Variants in POLR1A observed in about 807,000 individuals in gnomAD.
POLR1A encodes the protein DNA-directed RNA polymerase I subunit RPA1.
Under a neutral mutation model 205.3 loss-of-function variants are expected in POLR1A, and 84 were observed. That is an observed-to-expected ratio of 0.41 (90% CI 0.34 to 0.49). POLR1A has a LOEUF of 0.49. Among genes scored for constraint, POLR1A ranks in the 20% least tolerant of loss-of-function variants. The pLI is 0.22. For missense variants in POLR1A, 1,645 were observed against 2,204.5 expected (o/e 0.75, Z 5.08); for synonymous variants, 799 against 863.7 (o/e 0.93, Z 1.31).
intron 33 of POLR1A, 70 bp from the exon 34 acceptor site, chr2:86,027,593 G>A (rs546607850): frequency 7.4e-7 from 1 of 1,343,752 alleles, no homozygotes; most frequent in Non-Finnish European, 1.1e-6. Flanking sequence ...GGTGATTATG[G>A]GGCTGAACAC....
At chr2:86,084,724 C>T (rs1277618331) in intron 6 of POLR1A, among the ~76,000 whole-genome samples, 21 of 142,704 alleles carry the variant, frequency 1.5e-4, no homozygotes, top group South Asian at 2.2e-4. Context: ...TGGAGTGCAG[C>T]GGCACGATCT....
chr2:86,068,778 G>A (rs2104411689), intron 13 of POLR1A, among the ~76,000 whole-genome samples: 1 of 152,354 alleles, frequency 6.6e-6, no homozygotes. Flanking sequence ...CGGGACCCTT[G>A]TGAAGCCACA....
chr2:86,040,608 G>A (rs376037882), intron 24 of POLR1A, 49 bp from the exon 25 acceptor site: 10 of 1,393,808 alleles, frequency 7.2e-6, no homozygotes, highest in African/African-American at 1.4e-5. Flanking sequence ...CAGGGGTCAG[G>A]AGCAGACACC....
chr2:86,070,307 A>T lies in POLR1A; in HGVS notation c.1612-35T>A. The T allele has an allele frequency of 6.4e-7, 1 of 1,567,542 alleles. No individual in the cohort carries two copies. The highest frequency in any genetic ancestry group is 1.2e-5 in the South Asian group (1 of 84,014). ...GAGTGGACAGGTGGGTGATCAGTGC[A>T]AACGTCAGTATCACCACGGCTCTTT... On this transcript the variant is annotated intron_variant, in intron 12 of 33. Coordinates refer to ENST00000263857, the MANE Select transcript of POLR1A (RefSeq NM_015425.6). This position sits in a 1 kb window ranked among gnomAD's most constrained non-coding sequence, Gnocchi z 4.4.
At chr2:86,091,585 A>G (rs1405364631) in intron 3 of POLR1A, among the ~76,000 whole-genome samples, 1 of 152,226 alleles carries the variant, frequency 6.6e-6, no homozygotes, top group Non-Finnish European at 1.5e-5. Flanking sequence ...CATATAATTA[A>G]TGCATTTCTG....
At chr2:86,059,596 C>T (rs955571569) in intron 14 of POLR1A, among the ~76,000 whole-genome samples, 7 of 152,094 alleles carry the variant, frequency 4.6e-5, no homozygotes, top group African/African-American at 1.7e-4. Flanking sequence ...AACAGAGTCT[C>T]GTTCTGTCGC....
chr2:86,027,253 G>C lies in POLR1A; in HGVS notation c.*170C>G, dbSNP rs1672277295. ...CTCTGTCACTTTCCAGGTGAAGCTG[G>C]CCCAGCTCAGAGGCCCACTGCTTTC... On this transcript the variant is annotated 3_prime_UTR_variant, in exon 34 of 34. Coordinates refer to ENST00000263857, the MANE Select transcript of POLR1A (RefSeq NM_015425.6). 5 of 621,730 alleles carry C rather than the reference G, an allele frequency of 8.0e-6. No individual in the cohort carries two copies. Among genetic ancestry groups the C allele is most frequent in the Non-Finnish European group, 8.7e-6 (3 of 346,462 alleles). 38.5% of individuals were successfully genotyped at this position (621,730 alleles called of 1,614,324 possible).
intron 12 of POLR1A, among the ~76,000 whole-genome samples, chr2:86,073,381 G>A (rs1403169390): frequency 6.6e-6 from 1 of 152,106 alleles, no homozygotes; most frequent in African/African-American, 2.4e-5. Flanking sequence ...CTACAGCAGA[G>A]CCTGCATGGC....
Position 86,066,585 on chromosome 2 carries a change from A to T in POLR1A, c.1867-1120T>A, listed in dbSNP as rs114168556. On this transcript the variant is annotated intron_variant, in intron 13 of 33. Coordinates refer to ENST00000263857, the MANE Select transcript of POLR1A (RefSeq NM_015425.6). ...CTGTGCCTTGGATATAAAGATTATT[A>T]ATCATTTGATTATTTGTTAAATACT... is the stretch of plus-strand genomic sequence containing the variant. 4.8e-3 allele frequency among the ~76,000 whole-genome samples: 731 copies of T among 152,312 alleles called. 9 individuals carry two copies. Among genetic ancestry groups the T allele is most frequent in the African/African-American group, 0.017 (708 of 41,574 alleles).
intron 1 of POLR1A, among the ~76,000 whole-genome samples, chr2:86,102,206 C>T (rs1673833610): frequency 6.6e-6 from 1 of 152,158 alleles, no homozygotes; most frequent in Non-Finnish European, 1.5e-5. Flanking sequence ...TTTGAGAATC[C>T]ACCCTACTGT....
chr2:86,032,518 T>A, intron 28 of POLR1A, 136 bp from the exon 29 acceptor site: 1 of 680,336 alleles, frequency 1.5e-6, no homozygotes, highest in Non-Finnish European at 2.6e-6. Context: ...GCCACCACCC[T>A]CCATCCACTG....
rs765177457 is a variant in POLR1A, at chr2:86,027,960, G to A, written c.4987C>T (p.Arg1663Trp). 7 of 1,614,080 alleles carry A rather than the reference G, an allele frequency of 4.3e-6. No individual in the cohort carries two copies. Among genetic ancestry groups the A allele is most frequent in the African/African-American group, 2.7e-5 (2 of 74,926 alleles). ...VYKPLNRFGI[R>W]SNSSPLQQMT... ...TGCTGTAGCGGGGAAGAGTTTGACC[G>A]GATCCCAAAGCGATTCAGTGGCTTG... The change falls in exon 33 of 34, where the codon CGG (arginine) becomes TGG (tryptophan). Residue 1663 changes from arginine to tryptophan, a missense_variant. Arg to Trp is a moderately radical substitution (Grantham distance 101). Coordinates refer to ENST00000263857, the MANE Select transcript of POLR1A (RefSeq NM_015425.6).
intron 29 of POLR1A, 102 bp from the exon 30 acceptor site, chr2:86,031,737 GC>G: frequency 6.7e-7 from 1 of 1,483,730 alleles, no homozygotes; most frequent in Non-Finnish European, 9.1e-7. Context: ...GCTGGCCTGG[GC>G]TACCTAGGCC....
At chr2:86,049,929 G>GT (rs1168322563) in intron 16 of POLR1A, among the ~76,000 whole-genome samples, 1 of 149,740 alleles carries the variant, frequency 6.7e-6, no homozygotes, top group Non-Finnish European at 1.5e-5. Context: ...TTTTGTTTTT[G>GT]TTTTTTGAGA....
intron 16 of POLR1A, among the ~76,000 whole-genome samples, chr2:86,050,097 T>C (rs1672776089): frequency 6.6e-6 from 1 of 152,056 alleles, no homozygotes; most frequent in Non-Finnish European, 1.5e-5. Flanking sequence ...TTTGTATTTT[T>C]AGTACAGACA....
chr2:86,024,158 CAT>C lies in POLR1A; in HGVS notation c.*3263_*3264del, dbSNP rs546047795. ...GATTAAACAAAATACGGTATATACA[CAT>C]GAGGAGGTATCAGCAGCCTCAAGCA... is the stretch of plus-strand genomic sequence containing the variant. On this transcript the variant is annotated 3_prime_UTR_variant, in exon 34 of 34. Transcript: ENST00000263857. The C allele has an allele frequency of 3.7e-4, 64 of 172,028 alleles. 1 individual carries two copies. The highest frequency in any genetic ancestry group is 6.5e-4 in the Non-Finnish European group (51 of 78,934). The allele number at this position is 172,028 out of a possible 1,614,324, so 10.7% of individuals were successfully genotyped here.
At chr2:86,058,466 T>C (rs1321947718) in intron 14 of POLR1A, among the ~76,000 whole-genome samples, 2 of 147,830 alleles carry the variant, frequency 1.4e-5, no homozygotes, top group African/African-American at 5.0e-5. Context: ...GGTCTTGAAT[T>C]CCTAGCCTCA....
intron 24 of POLR1A, among the ~76,000 whole-genome samples, chr2:86,040,774 T>G (rs1230626351): frequency 6.6e-6 from 1 of 152,192 alleles, no homozygotes; most frequent in Non-Finnish European, 1.5e-5. Flanking sequence ...GCTGGGTGGC[T>G]GAAGCTCTAG....
chr2:86,057,949 A>AG (rs1416896208), intron 14 of POLR1A, among the ~76,000 whole-genome samples: 1 of 152,170 alleles, frequency 6.6e-6, no homozygotes, highest in East Asian at 1.9e-4. Flanking sequence ...TTAAAAAAAA[A>AG]AGAGAGACAG....
Sources: gnomAD v4.1 joint callset for allele counts (sites outside exome capture counted in the v4.1 genomes callset) on GRCh38, gnomAD v4.1.1 for gene constraint, Gnocchi (gnomAD v3.1) non-coding constraint, MANE v1.5 for transcripts, NCBI Gene and HGNC (gene_info 2026-07-23, HGNC 2026-07-21) for gene names.